The following PCDHGA3 variants were observed in gnomAD, a reference collection of about 807,000 sequenced individuals.
The protein encoded by PCDHGA3 is protocadherin gamma subfamily A, 3.
In PCDHGA3, 40 loss-of-function variants were observed where a neutral mutation model predicts 58.5. The ratio of observed to expected loss-of-function variants is 0.68; its 90% confidence interval spans 0.53 to 0.89. PCDHGA3 has a LOEUF of 0.89. Ranked by LOEUF, PCDHGA3 falls within the 40% of genes least tolerant of loss-of-function variation. PCDHGA3 has a pLI of 0.00. For synonymous variants in PCDHGA3, 530 were observed against 525.7 expected, an observed-to-expected ratio of 1.01 and a Z score of -0.11; for missense variants, 1,223 against 1,195.9, an observed-to-expected ratio of 1.02 and a Z score of -0.33.
chr5:141,445,828 G>A (rs1188169953), intron 1 of PCDHGA3, among the ~76,000 whole-genome samples: 2 of 152,188 alleles, frequency 1.3e-5, no homozygotes, highest in African/African-American at 2.4e-5. Context: ...AAGGCAGGGA[G>A]AGCCTTGTAA....
chr5:141,488,634 G>A (rs937680420), intron 1 of PCDHGA3, among the ~76,000 whole-genome samples: 4 of 152,150 alleles, frequency 2.6e-5, no homozygotes, highest in Non-Finnish European at 4.4e-5. Context: ...CACCTTAGCA[G>A]CATTCAGCAG....
intron 1 of PCDHGA3, chr5:141,387,787 A>C (rs2091094069): frequency 6.1e-6 from 9 of 1,479,268 alleles, no homozygotes; most frequent in Non-Finnish European, 1.8e-6. Context: ...CTGGAACTGC[A>C]ACTAAAGTCC....
intron 1 of PCDHGA3, chr5:141,383,705 T>A: frequency 1.2e-6 from 2 of 1,614,020 alleles, no homozygotes; most frequent in Non-Finnish European, 1.7e-6. Flanking sequence ...GCTATCGACC[T>A]GGACGAGGGA....
In PCDHGA3 at chr5:141,344,264, G is replaced by C; in HGVS notation, c.231G>C (p.Leu77=). The change falls in exon 1 of 4, where the codon CTG becomes CTC. Residue 77 remains leucine (L), a synonymous_variant. Transcript: ENST00000253812. ...GAGGTAGGACGCAGCTTTTCTCTCT[G>C]AATCCGCAAAGCGGCAGCTTGGTCA... is the stretch of plus-strand genomic sequence containing the variant. ...VSRGRTQLFS[L]NPQSGSLVTA... 1.2e-6 allele frequency: 2 copies of C among 1,614,094 alleles called. No individual in the cohort carries two copies. Among genetic ancestry groups the C allele is most frequent in the Non-Finnish European group, 1.7e-6 (2 of 1,179,920 alleles).
intron 1 of PCDHGA3, chr5:141,382,829 T>C: frequency 7.3e-7 from 1 of 1,376,168 alleles, no homozygotes; most frequent in Non-Finnish European, 9.9e-7. Flanking sequence ...GACAGAGGGG[T>C]CCACCCGGAT....
chr5:141,383,766 A>G (rs1265444749), intron 1 of PCDHGA3: 6 of 1,613,894 alleles, frequency 3.7e-6, no homozygotes, highest in Non-Finnish European at 5.1e-6. Context: ...CTAAACTTCC[A>G]AAGATGTTTC....
intron 1 of PCDHGA3, among the ~76,000 whole-genome samples, chr5:141,481,700 T>C (rs1283509788): frequency 2.0e-5 from 3 of 152,034 alleles, no homozygotes; most frequent in Non-Finnish European, 4.4e-5. Context: ...ACGCCTGTAA[T>C]CCCAGCACTT....
rs1229317913 is a variant in PCDHGA3 at position 141,489,752 on chromosome 5, C to T, written c.2425-5055C>T. ...GGCACCAATACTGTGAGCTTTTACACTCTAAGCCCCAACAGCCACTTCTCT... is the reference window on the plus strand; with the variant it reads ...GGCACCAATACTGTGAGCTTTTACATTCTAAGCCCCAACAGCCACTTCTCT... On this transcript the variant is annotated intron_variant, in intron 1 of 3. Transcript: ENST00000253812. The surrounding 1 kb of genome is among the most constrained non-coding windows in gnomAD (Gnocchi z 4.5). 1.2e-6 allele frequency: 2 copies of T among 1,614,018 alleles called. No individual in the cohort carries two copies. Among genetic ancestry groups the T allele is most frequent in the Non-Finnish European group, 1.7e-6 (2 of 1,179,980 alleles).
intron 1 of PCDHGA3, chr5:141,371,085 A>T: frequency 6.2e-7 from 1 of 1,613,830 alleles, no homozygotes; most frequent in Non-Finnish European, 8.5e-7. Context: ...GATCAGGGTA[A>T]TTGTCGCAGA....
chr5:141,423,647 C>T (rs775169904), intron 1 of PCDHGA3: 3 of 1,589,144 alleles, frequency 1.9e-6, no homozygotes, highest in Non-Finnish European at 2.6e-6. Flanking sequence ...AAATGTGACC[C>T]GACAAGTAAT....
At chr5:141,361,722 G>A in intron 1 of PCDHGA3, 4 of 1,613,314 alleles carry the variant, frequency 2.5e-6, no homozygotes, top group East Asian at 2.2e-5. Flanking sequence ...GCGCCTTCGA[G>A]CTCACACTGC....
chr5:141,451,908 G>C (rs899191624), intron 1 of PCDHGA3, among the ~76,000 whole-genome samples: 1 of 152,046 alleles, frequency 6.6e-6, no homozygotes, highest in Non-Finnish European at 1.5e-5. Flanking sequence ...AAGGGAGGGA[G>C]GGAGGAAGGA....
intron 1 of PCDHGA3, chr5:141,388,796 A>G: frequency 6.2e-7 from 1 of 1,613,952 alleles, no homozygotes; most frequent in Non-Finnish European, 8.5e-7. Flanking sequence ...TTTTAAATAC[A>G]TTAGATTTTG....
In PCDHGA3 at chr5:141,365,854, C is replaced by G. The variant is rs570866859; in HGVS notation, c.2424+19397C>G. On this transcript the variant is annotated intron_variant, in intron 1 of 3. Transcript: ENST00000253812. ...CCTTGTCCTCCTATGTATCCATTAA[C>G]TCTGACACCGGTGTCCTGTATGCTC... 17 of 1,614,060 alleles carry G rather than the reference C, an allele frequency of 1.1e-5. 1 individual carries two copies. In the South Asian group the frequency reaches 1.8e-4, roughly 17 times the overall value.
intron 1 of PCDHGA3, chr5:141,371,355 G>A (rs369960328): frequency 1.2e-6 from 2 of 1,613,974 alleles, no homozygotes; most frequent in Non-Finnish European, 8.5e-7. Context: ...TGGGGTGGAA[G>A]CAAAGGATGG....
rs1759725917 is a variant in PCDHGA3 at position 141,355,135 on chromosome 5, C to T, written c.2424+8678C>T. 7 of 1,523,612 alleles carry T rather than the reference C, an allele frequency of 4.6e-6. No homozygotes were observed. In the Middle Eastern group the frequency reaches 9.9e-4, roughly 216 times the overall value. 94.4% of individuals were successfully genotyped at this position (1,523,612 alleles called of 1,614,324 possible). ...GCACTTTATTTTGGACCCAGAAGAT[C>T]CTGGGGCTCCTCAGGCCTCGACAGA... On this transcript the variant is annotated intron_variant, in intron 1 of 3. Transcript: ENST00000253812.
intron 1 of PCDHGA3, chr5:141,420,902 A>T (rs1202945278): frequency 3.4e-6 from 1 of 293,976 alleles, no homozygotes; most frequent in Non-Finnish European, 6.3e-6. Context: ...TAAGCTCTAC[A>T]AATACGTGTG....
At position 141,436,830 on chromosome 5, in the gene PCDHGA3, T is replaced by C. The variant is rs1054296892; in HGVS notation, c.2425-57977T>C. On this transcript the variant is annotated intron_variant, in intron 1 of 3. Coordinates refer to ENST00000253812, the MANE Select transcript of PCDHGA3 (RefSeq NM_018916.4). ...TGACAGCTGGTTTAAAAATCTTAAGTGCCTAGGCACATTCTTGATTGAGAA... is the reference window on the plus strand; with the variant it reads ...TGACAGCTGGTTTAAAAATCTTAAGCGCCTAGGCACATTCTTGATTGAGAA... Among the ~76,000 whole-genome samples, 37 of 152,252 alleles carry C rather than the reference T, an allele frequency of 2.4e-4. 1 individual carries two copies.
Position 141,485,598 on chromosome 5 carries a change from T to C in PCDHGA3, c.2425-9209T>C, listed in dbSNP as rs931717579. 25 of 1,612,028 alleles carry C rather than the reference T, an allele frequency of 1.6e-5. No individual in the cohort carries two copies. Among genetic ancestry groups the C allele is most frequent in the African/African-American group, 2.7e-5 (2 of 74,838 alleles). ...CCGCGGCAGCAGCTGGACTTGGAAA[T>C]TGGGGAGGCAGCTCCTCCAGGACAG... On this transcript the variant is annotated intron_variant, in intron 1 of 3. Transcript: ENST00000253812. This position sits in a 1 kb window ranked among gnomAD's most constrained non-coding sequence, Gnocchi z 5.7.
Sources: allele counts gnomAD v4.1 joint callset (sites outside exome capture counted in the v4.1 genomes callset), GRCh38; gene constraint gnomAD v4.1.1; non-coding constraint Gnocchi (gnomAD v3.1); transcripts MANE v1.5; gene names NCBI Gene and HGNC (gene_info 2026-07-23, HGNC 2026-07-21).